Variants in RAPGEF5 observed in about 807,000 individuals in gnomAD.
RAPGEF5 encodes the protein Rap guanine nucleotide exchange factor 5.
Under a neutral mutation model 125.2 loss-of-function variants are expected in RAPGEF5, and 65 were observed. The observed-to-expected ratio is 0.52, with a 90% CI of 0.43 to 0.64. The LOEUF (loss-of-function observed/expected upper bound fraction) is 0.64. Among genes scored for constraint, RAPGEF5 ranks in the 30% least tolerant of loss-of-function variants. The probability of loss-of-function intolerance (pLI) is 0.00; values close to 1 mark genes in which losing one functional copy is unlikely to be tolerated. For synonymous variants in RAPGEF5, 391 were observed against 385.9 expected, an observed-to-expected ratio of 1.01 and a Z score of -0.16; for missense variants, 958 against 1,048.1, an observed-to-expected ratio of 0.91 and a Z score of 1.19.
chr7:22,246,880 A>G (rs1562486857), intron 7 of RAPGEF5, among the ~76,000 whole-genome samples: 1 of 152,234 alleles, frequency 6.6e-6, no homozygotes, highest in Admixed American at 6.5e-5. Context: ...ACAATTGAAC[A>G]GGAAAAACAA....
chr7:22,150,143 G>C (rs1783578090), intron 18 of RAPGEF5, among the ~76,000 whole-genome samples: 1 of 133,756 alleles, frequency 7.5e-6, no homozygotes, highest in Non-Finnish European at 1.5e-5. Flanking sequence ...GCAATGATGA[G>C]ATCACAACTC....
At chr7:22,197,642 C>T (rs1472747658) in intron 9 of RAPGEF5, among the ~76,000 whole-genome samples, 1 of 152,114 alleles carries the variant, frequency 6.6e-6, no homozygotes, top group Non-Finnish European at 1.5e-5. Flanking sequence ...CACATGTATC[C>T]TTATAATTCA....
chr7:22,148,133 T>C (rs1392004482), intron 18 of RAPGEF5, among the ~76,000 whole-genome samples: 2 of 151,910 alleles, frequency 1.3e-5, no homozygotes, highest in Non-Finnish European at 2.9e-5. Flanking sequence ...AATGTAGAGG[T>C]GTTGAGGTGG....
chr7:22,222,063 A>G (rs778921956), intron 8 of RAPGEF5, among the ~76,000 whole-genome samples: 1 of 152,138 alleles, frequency 6.6e-6, no homozygotes, highest in Non-Finnish European at 1.5e-5. Flanking sequence ...CCTGGCCAAC[A>G]TGGTGAAACC....
intron 18 of RAPGEF5, among the ~76,000 whole-genome samples, chr7:22,149,170 C>G (rs546116035): frequency 6.6e-6 from 1 of 152,272 alleles, no homozygotes; most frequent in Non-Finnish European, 1.5e-5. Flanking sequence ...AACGAGATAC[C>G]GTATGTAAAT....
chr7:22,212,078 A>C (rs571693815), intron 9 of RAPGEF5, among the ~76,000 whole-genome samples: 2 of 146,692 alleles, frequency 1.4e-5, no homozygotes, highest in East Asian at 4.0e-4. Flanking sequence ...GCCATTCTCC[A>C]TTCTCCTGCC....
At chr7:22,159,244 G>A (rs1783907656) in intron 14 of RAPGEF5, among the ~76,000 whole-genome samples, 1 of 152,132 alleles carries the variant, frequency 6.6e-6, no homozygotes. Flanking sequence ...AATAAAAGAA[G>A]ACCACCAGCA....
At chr7:22,279,329 C>A (rs1387307890) in intron 6 of RAPGEF5, among the ~76,000 whole-genome samples, 2 of 152,138 alleles carry the variant, frequency 1.3e-5, no homozygotes, top group Non-Finnish European at 2.9e-5. Context: ...CTTGATATTT[C>A]TTCTAATCCA....
At chr7:22,159,896 G>A (rs1317244346) in intron 14 of RAPGEF5, among the ~76,000 whole-genome samples, 1 of 152,080 alleles carries the variant, frequency 6.6e-6, no homozygotes, top group Non-Finnish European at 1.5e-5. Context: ...ATCACCTGAG[G>A]TTGGGAGTTC....
rs12668685 is a variant in RAPGEF5 at position 22,343,051 on chromosome 7, G to A, written c.231+13779C>T. On this transcript the variant is annotated intron_variant, in intron 1 of 25. Transcript: ENST00000665637. Reference sequence around the variant, plus strand: ...CATGCTGCTGATAAAGACATACCCTGGACTGGGCAATTTACAAAAGAAAGA... The same window carrying A: ...CATGCTGCTGATAAAGACATACCCTAGACTGGGCAATTTACAAAAGAAAGA... Among the ~76,000 whole-genome samples, 7 of 152,128 alleles carry A rather than the reference G, an allele frequency of 4.6e-5. No homozygotes were observed. The East Asian group carries it at 1.3e-3, about 29-fold the overall frequency.
At chr7:22,322,406 C>T (rs920941978) in intron 1 of RAPGEF5, among the ~76,000 whole-genome samples, 1 of 152,038 alleles carries the variant, frequency 6.6e-6, no homozygotes, top group African/African-American at 2.4e-5. Context: ...CTCAGCCTCC[C>T]AGAGTGCTGG....
intron 8 of RAPGEF5, among the ~76,000 whole-genome samples, chr7:22,227,842 A>C (rs946915946): frequency 2.0e-5 from 3 of 152,246 alleles, no homozygotes; most frequent in African/African-American, 7.2e-5. Context: ...ACCCTGTTGC[A>C]ATCAATCAAT....
Position 22,308,393 on chromosome 7 carries a change from T to C in RAPGEF5, c.626A>G (p.Lys209Arg). 1 of 1,587,870 alleles carries C rather than the reference T, an allele frequency of 6.3e-7. No individual in the cohort carries two copies. ...EREEEWQNGV[K>R]LLLQLVPLIP... Reference sequence around the variant, plus strand: ...GAGAGGCACAAGTTGCAGTAAAAGCTTGACACCATTTTGCCATTCTTCTTC... The same window carrying C: ...GAGAGGCACAAGTTGCAGTAAAAGCCTGACACCATTTTGCCATTCTTCTTC... The change falls in exon 5 of 26, where the codon AAG (lysine) becomes AGG (arginine). Residue 209 changes from lysine (K) to arginine (R), a missense_variant. Lys to Arg is a conservative substitution (Grantham distance 26). Coordinates refer to ENST00000665637, the MANE Select transcript of RAPGEF5 (RefSeq NM_012294.5).
chr7:22,277,018 C>A (rs1315180216), intron 6 of RAPGEF5, among the ~76,000 whole-genome samples: 1 of 152,164 alleles, frequency 6.6e-6, no homozygotes, highest in African/African-American at 2.4e-5. Flanking sequence ...GTATTTCCTC[C>A]ATTTATTATA....
At chr7:22,195,709 A>G (rs1785132616) in intron 9 of RAPGEF5, among the ~76,000 whole-genome samples, 1 of 152,142 alleles carries the variant, frequency 6.6e-6, no homozygotes, top group South Asian at 2.1e-4. Context: ...AGAAGTGCAT[A>G]TATTGACCAA....
intron 7 of RAPGEF5, among the ~76,000 whole-genome samples, chr7:22,240,348 G>C (rs1390495704): frequency 6.8e-6 from 1 of 146,452 alleles, no homozygotes; most frequent in Non-Finnish European, 1.5e-5. Context: ...TATTTTTCTC[G>C]AGAGGCAGAA....
intron 3 of RAPGEF5, chr7:22,314,661 T>G: frequency 1.0e-6 from 1 of 975,358 alleles, no homozygotes. Context: ...TGATAACAAA[T>G]GGTAGTGGTT....
intron 7 of RAPGEF5, among the ~76,000 whole-genome samples, chr7:22,239,123 C>A (rs1786260108): frequency 6.6e-6 from 1 of 152,142 alleles, no homozygotes; most frequent in South Asian, 2.1e-4. Context: ...TGGAAGCTGG[C>A]TGCCTTTCAG....
intron 9 of RAPGEF5, among the ~76,000 whole-genome samples, chr7:22,219,454 C>T (rs978067558): frequency 1.3e-5 from 2 of 149,794 alleles, no homozygotes; most frequent in Non-Finnish European, 3.0e-5. Flanking sequence ...ACTTAGGACA[C>T]ATTCATTTGG....
Sources: allele counts gnomAD v4.1 joint callset (sites outside exome capture counted in the v4.1 genomes callset), GRCh38; gene constraint gnomAD v4.1.1; transcripts MANE v1.5; gene names NCBI Gene and HGNC (gene_info 2026-07-23, HGNC 2026-07-21).